The following C1orf21 variants were observed in gnomAD, a reference collection of about 807,000 sequenced individuals.
C1orf21 encodes chromosome 1 open reading frame 21.
In C1orf21, 3 loss-of-function variants were observed where a neutral mutation model predicts 18.7. The ratio of observed to expected loss-of-function variants is 0.16; its 90% CI spans 0.07 to 0.42. The LOEUF (loss-of-function observed/expected upper bound fraction) is 0.42. Among genes scored for constraint, C1orf21 ranks in the 10% least tolerant of loss-of-function variants. The pLI, the probability that C1orf21 is intolerant of heterozygous loss-of-function variation, is 0.99. For synonymous variants in C1orf21, 41 were observed against 46.4 expected, an observed-to-expected ratio of 0.88 and a Z score of 0.47; for missense variants, 104 against 143.6, an observed-to-expected ratio of 0.72 and a Z score of 1.41.
At chr1:184,462,766 C>T (rs367989903) in intron 1 of C1orf21, among the ~76,000 whole-genome samples, 14 of 152,054 alleles carry the variant, frequency 9.2e-5, no homozygotes, top group Middle Eastern at 3.2e-3. Flanking sequence ...TTCCCCCTTC[C>T]TCTCCATCCA....
intron 1 of C1orf21, among the ~76,000 whole-genome samples, chr1:184,406,046 T>C (rs1159975073): frequency 1.3e-5 from 2 of 152,208 alleles, no homozygotes; most frequent in Non-Finnish European, 2.9e-5. Context: ...GGTTGAAATG[T>C]CAAGAAAAAT....
intron 1 of C1orf21, among the ~76,000 whole-genome samples, chr1:184,445,188 A>G (rs1385701566): frequency 6.6e-6 from 1 of 152,170 alleles, no homozygotes; most frequent in Non-Finnish European, 1.5e-5. Context: ...CCATACTGGC[A>G]TGTGGGAAGC....
In C1orf21 at chr1:184,464,540, G is replaced by A. The variant is rs143432114; in HGVS notation, c.-124-12846G>A. ...TGAGTTTCTGCTCTCTGCCTGACAG[G>A]GCACCTGGCATAGCAAGAGAGACAA... On this transcript the variant is annotated intron_variant, in intron 1 of 5. Transcript: ENST00000235307. 1.1e-3 allele frequency among the ~76,000 whole-genome samples: 164 copies of A among 152,324 alleles called. 1 individual carries two copies. Among genetic ancestry groups the A allele is most frequent in the African/African-American group, 3.7e-3 (154 of 41,566 alleles).
At chr1:184,470,738 G>T (rs1357900524) in intron 1 of C1orf21, among the ~76,000 whole-genome samples, 1 of 152,106 alleles carries the variant, frequency 6.6e-6, no homozygotes, top group East Asian at 1.9e-4. Flanking sequence ...AATGATCCGG[G>T]CATGGTGGCA....
intron 3 of C1orf21, among the ~76,000 whole-genome samples, chr1:184,511,879 C>T (rs1383495872): frequency 2.0e-5 from 3 of 152,150 alleles, no homozygotes; most frequent in Non-Finnish European, 4.4e-5. Flanking sequence ...AACTCACTCA[C>T]TGTCATGAGA....
At chr1:184,539,846 A>G (rs186393331) in intron 3 of C1orf21, 4 of 152,302 alleles carry the variant, frequency 2.6e-5, no homozygotes, top group African/African-American at 7.2e-5. Flanking sequence ...TTAAGACCCA[A>G]TGCAGAATTC....
chr1:184,499,115 CCTTCTTCCTCCTACCCCT>C (rs1445233204), intron 2 of C1orf21, among the ~76,000 whole-genome samples: 2 of 151,984 alleles, frequency 1.3e-5, no homozygotes, highest in South Asian at 2.1e-4. Context: ...TGCCTCCTCT[CCTTCTTCCTCCTACCCCT>C]CTTCTTCCTC....
At chr1:184,465,432 T>G (rs2101985717) in intron 1 of C1orf21, among the ~76,000 whole-genome samples, 1 of 152,310 alleles carries the variant, frequency 6.6e-6, no homozygotes, top group East Asian at 1.9e-4. Context: ...TAATAATAAG[T>G]AAGAGATTTT....
Position 184,619,563 on chromosome 1 carries a change from T to C in C1orf21, c.*7T>C, listed in dbSNP as rs778119102. ...AGAAGAGGATATCACATAGCACCAA[T>C]TTTACCACTCAAACCAGGAGCTACT... On this transcript the variant is annotated 3_prime_UTR_variant, in exon 6 of 6. Transcript: ENST00000235307. 1.2e-6 allele frequency: 2 copies of C among 1,613,360 alleles called. No homozygotes were observed. Among genetic ancestry groups the C allele is most frequent in the Non-Finnish European group, 1.7e-6 (2 of 1,179,678 alleles).
At chr1:184,566,308 CT>C (rs989528850) in intron 3 of C1orf21, among the ~76,000 whole-genome samples, 2 of 152,204 alleles carry the variant, frequency 1.3e-5, no homozygotes, top group African/African-American at 2.4e-5. Flanking sequence ...ATCTGCTGCC[CT>C]TTTGGTTTGC....
At chr1:184,567,267 CTG>C in intron 3 of C1orf21, 1 of 460,834 alleles carries the variant, frequency 2.2e-6, no homozygotes, top group Non-Finnish European at 4.4e-6. Context: ...CAGAAGGAGA[CTG>C]TAAAGGAATT....
chr1:184,564,970 C>G (rs1185758950), intron 3 of C1orf21, among the ~76,000 whole-genome samples: 2 of 152,138 alleles, frequency 1.3e-5, no homozygotes, highest in East Asian at 3.9e-4. Context: ...AAAGGATAGG[C>G]TTTAATTATG....
intron 3 of C1orf21, among the ~76,000 whole-genome samples, chr1:184,548,930 T>A (rs1052747944): frequency 2.0e-5 from 3 of 152,204 alleles, no homozygotes; most frequent in Admixed American, 6.5e-5. Context: ...ATCTTCTTAT[T>A]TAATACATTA....
At chr1:184,459,883 A>G (rs1293297634) in intron 1 of C1orf21, among the ~76,000 whole-genome samples, 3 of 152,178 alleles carry the variant, frequency 2.0e-5, no homozygotes, top group African/African-American at 7.2e-5. Context: ...AAACTTTTGC[A>G]TCCATCCATG....
chr1:184,463,607 C>T (rs567004078), intron 1 of C1orf21, among the ~76,000 whole-genome samples: 2 of 152,242 alleles, frequency 1.3e-5, no homozygotes, highest in African/African-American at 2.4e-5. Context: ...TGGATAGAAT[C>T]AAAGACATCA....
At chr1:184,606,918 G>T (rs1272427762) in intron 5 of C1orf21, among the ~76,000 whole-genome samples, 1 of 152,194 alleles carries the variant, frequency 6.6e-6, no homozygotes, top group African/African-American at 2.4e-5. Context: ...AGCAAAGAAT[G>T]AGACATTCCC....
intron 5 of C1orf21, among the ~76,000 whole-genome samples, chr1:184,612,718 A>G (rs1043306533): frequency 3.9e-5 from 6 of 152,196 alleles, no homozygotes; most frequent in African/African-American, 1.4e-4. Flanking sequence ...TTATGGAAAG[A>G]GAACTGGACC....
intron 3 of C1orf21, among the ~76,000 whole-genome samples, chr1:184,577,161 A>G (rs993610566): frequency 6.6e-6 from 1 of 150,808 alleles, no homozygotes; most frequent in Non-Finnish European, 1.5e-5. Flanking sequence ...TCTTGGCTTT[A>G]TCTCGAATGC....
intron 1 of C1orf21, among the ~76,000 whole-genome samples, chr1:184,398,593 A>G (rs12070787): frequency 0.42 from 64,534 of 152,104 alleles, 18,237 homozygotes; most frequent in African/African-American, 0.82. Context: ...TGATTTCATC[A>G]TTGTGCATAC....
Sources: allele counts gnomAD v4.1 joint callset (sites outside exome capture counted in the v4.1 genomes callset), GRCh38; gene constraint gnomAD v4.1.1; transcripts MANE v1.5; gene names NCBI Gene and HGNC (gene_info 2026-07-23, HGNC 2026-07-21).